The following PPP1R9B variants were observed in gnomAD, a reference collection of about 807,000 sequenced individuals.
PPP1R9B encodes the protein protein phosphatase 1 regulatory subunit 9B, also known as neurabin-2.
PPP1R9B carries 17 observed loss-of-function variants against 75.8 expected under a neutral mutation model. That is an observed-to-expected ratio of 0.22 (90% confidence interval 0.15 to 0.34). PPP1R9B has a LOEUF of 0.34. PPP1R9B is among the 10% of genes least tolerant of loss of function. The probability of loss-of-function intolerance (pLI) is 1.00; values close to 1 mark genes in which losing one functional copy is unlikely to be tolerated. For synonymous variants in PPP1R9B, 509 were observed against 535.4 expected (o/e 0.95, Z 0.68); for missense variants, 875 against 1,196.0 (o/e 0.73, Z 3.96).
chr17:50,140,766 T>C (rs1912353990), intron 4 of PPP1R9B, among the ~76,000 whole-genome samples: 1 of 152,104 alleles, frequency 6.6e-6, no homozygotes. Flanking sequence ...GTACCCCTCT[T>C]GCAGGGGGGC....
At chr17:50,138,772 G>A (rs574140999) in intron 7 of PPP1R9B, among the ~76,000 whole-genome samples, 1 of 152,246 alleles carries the variant, frequency 6.6e-6, no homozygotes, top group East Asian at 1.9e-4. Context: ...TCACTGGTGT[G>A]CGCTACCACA....
In PPP1R9B at chr17:50,139,044, T is replaced by C; in HGVS notation, c.2073+219A>G. On this transcript the variant is annotated intron_variant, in intron 7 of 9. Transcript: ENST00000612501. The surrounding 1 kb of genome is among the most constrained non-coding windows in gnomAD (Gnocchi z 5.0). ...TGCTATTACGACCTCATTTTATAGA[T>C]GAGGAGGCTGAGGCACAGAGAAGCA... 6.6e-6 allele frequency among the ~76,000 whole-genome samples: 1 copy of C among 152,236 alleles called. No individual in the cohort carries two copies. Among genetic ancestry groups the C allele is most frequent in the Non-Finnish European group, 1.5e-5 (1 of 68,040 alleles).
Position 50,139,395 on chromosome 17 carries a change from T to G in PPP1R9B, c.2019+34A>C, listed in dbSNP as rs751868252. ...CAAGGGCAGGAGACCTGCCTGCCTT[T>G]CCCTCCACCACTCCAGGGAGCCCCT... On this transcript the variant is annotated intron_variant, in intron 6 of 9. Coordinates refer to ENST00000612501, the MANE Select transcript of PPP1R9B (RefSeq NM_032595.5). This position sits in a 1 kb window ranked among gnomAD's most constrained non-coding sequence, Gnocchi z 5.0. 1 of 1,612,922 alleles carries G rather than the reference T, an allele frequency of 6.2e-7. No individual in the cohort carries two copies. The highest frequency in any genetic ancestry group is 1.7e-5 in the Admixed American group (1 of 60,012).
chr17:50,140,074 C>G lies in PPP1R9B; in HGVS notation c.1866+19G>C, dbSNP rs753891123. The stretch of plus-strand genomic sequence containing the variant: ...CACCAGGGGGCGACCACGCGGCCAG[C>G]CAGGCAGGGACTCCCTACCTCCTCG... On this transcript the variant is annotated intron_variant, in intron 5 of 9. Transcript: ENST00000612501. 7 of 1,610,918 alleles carry G rather than the reference C, an allele frequency of 4.3e-6. No individual in the cohort carries two copies. The highest frequency in any genetic ancestry group is 5.9e-6 in the Non-Finnish European group (7 of 1,178,620).
In PPP1R9B at chr17:50,150,603, C is replaced by G. The variant is rs1342672236; in HGVS notation, c.-90G>C. On this transcript the variant is annotated 5_prime_UTR_variant, in exon 1 of 10. Transcript: ENST00000612501. This position sits in a 1 kb window ranked among gnomAD's most constrained non-coding sequence, Gnocchi z 8.7. Reference sequence around the variant, plus strand: ...AAGTCGGGACCACCGCCCCCTCCCCCCGATAAAAGAAACCCCGAAGGCCTT... The same window carrying G: ...AAGTCGGGACCACCGCCCCCTCCCCGCGATAAAAGAAACCCCGAAGGCCTT... 47 of 1,232,472 alleles carry G rather than the reference C, an allele frequency of 3.8e-5. No individual in the cohort carries two copies. The highest frequency in any genetic ancestry group is 4.3e-5 in the Non-Finnish European group (42 of 984,354). 76.3% of individuals were successfully genotyped at this position (1,232,472 alleles called of 1,614,324 possible). A position where few individuals can be genotyped will look rare whatever the true frequency, so the allele number is the denominator to read the frequency against.
chr17:50,146,703 C>G (rs1011104910), intron 1 of PPP1R9B, among the ~76,000 whole-genome samples: 9 of 152,228 alleles, frequency 5.9e-5, no homozygotes, highest in Admixed American at 4.6e-4. Context: ...TAAAGCTCAT[C>G]TGTCCATTGC....
intron 3 of PPP1R9B, 88 bp downstream of exon 3, chr17:50,143,510 C>CCCCACCCCCTGCTCAGTGG: frequency 6.6e-7 from 1 of 1,512,990 alleles, no homozygotes; most frequent in Non-Finnish European, 9.0e-7. Flanking sequence ...GGAAGGCCCG[C>CCCCACCCCCTGCTCAGTGG]CCCACCCCCT....
chr17:50,145,087 AG>A, intron 2 of PPP1R9B, 25 bp downstream of exon 2: 1 of 1,612,466 alleles, frequency 6.2e-7, no homozygotes, highest in East Asian at 2.2e-5. Flanking sequence ...GCTGTGCGCA[AG>A]TGACGTGGCC....
In PPP1R9B at chr17:50,139,609, C is replaced by A. The variant is rs765861581; in HGVS notation, c.1867-28G>T. 37 of 1,521,398 alleles carry A rather than the reference C, an allele frequency of 2.4e-5. No individual in the cohort carries two copies. Among genetic ancestry groups the A allele is most frequent in the Admixed American group, 8.7e-5 (4 of 45,752 alleles). The allele number at this position is 1,521,398 out of a possible 1,614,324, so 94.2% of individuals were successfully genotyped here. On this transcript the variant is annotated intron_variant, in intron 5 of 9. Transcript: ENST00000612501. This position sits in a 1 kb window ranked among gnomAD's most constrained non-coding sequence, Gnocchi z 5.0. Reference sequence around the variant, plus strand: ...GCGAAGGGAGACCGGAGACTGTGGGCCCACCCCACCCAGCTGCCCTCAGCC... The same window carrying A: ...GCGAAGGGAGACCGGAGACTGTGGGACCACCCCACCCAGCTGCCCTCAGCC...
Position 50,150,237 on chromosome 17 carries a change from G to C in PPP1R9B, c.277C>G (p.Leu93Val). The change falls in exon 1 of 10, where the codon CTG (leucine) becomes GTG (valine). Residue 93 changes from leucine (L) to valine (V), a missense_variant. Physicochemically the swap from Leu to Val is conservative, Grantham distance 32. This residue lies in a region of PPP1R9B where 145 missense variants were observed against 226.1 expected (regional missense o/e 0.64). Transcript: ENST00000612501. The surrounding 1 kb of genome is among the most constrained non-coding windows in gnomAD (Gnocchi z 8.7). ...APRASERGVR[L>V]SLPRASSLNE... ...AGGCTGCTGGCCCGCGGCAGCGACAGGCGCACGCCGCGCTCGGACGCCCGT... is the reference window on the plus strand; with the variant it reads ...AGGCTGCTGGCCCGCGGCAGCGACACGCGCACGCCGCGCTCGGACGCCCGT... 2 of 1,439,790 alleles carry C rather than the reference G, an allele frequency of 1.4e-6. No homozygotes were observed. Among genetic ancestry groups the C allele is most frequent in the Non-Finnish European group, 1.8e-6 (2 of 1,089,904 alleles). 89.2% of individuals were successfully genotyped at this position (1,439,790 alleles called of 1,614,324 possible). A position where few individuals can be genotyped will look rare whatever the true frequency, so the allele number is the denominator to read the frequency against.
Position 50,149,138 on chromosome 17 carries a change from C to G in PPP1R9B, c.1371+5G>C. 1 of 1,448,706 alleles carries G rather than the reference C, an allele frequency of 6.9e-7. No individual in the cohort carries two copies. Among genetic ancestry groups the G allele is most frequent in the East Asian group, 2.7e-5 (1 of 37,618 alleles). The allele number at this position is 1,448,706 out of a possible 1,614,324, so 89.7% of individuals were successfully genotyped here. On this transcript the variant is annotated splice_donor_5th_base_variant and intron_variant, in intron 1 of 9. Coordinates refer to ENST00000612501, the MANE Select transcript of PPP1R9B (RefSeq NM_032595.5). This position sits in a 1 kb window ranked among gnomAD's most constrained non-coding sequence, Gnocchi z 7.2. Reference sequence around the variant, plus strand: ...CGCGGGGGCAGGGCGGGGGGGCTCACTTACTTGGATGGGCGCCGTGCTGAA... The same window carrying G: ...CGCGGGGGCAGGGCGGGGGGGCTCAGTTACTTGGATGGGCGCCGTGCTGAA...
Position 50,150,016 on chromosome 17 carries a change from C to A in PPP1R9B, c.498G>T (p.Ala166=), listed in dbSNP as rs760916394. ...GCTCCTGCCTCAGCAGCCGCCGCGC[C>A]GCGGCCTCCTTGTCGCCGCCTGCGG... ...PAAAGGDKEA[A]ARRLLRQERA... is the part of the protein sequence containing the mutation. Residue 166 remains alanine (A), a synonymous_variant, in exon 1 of 10, where the codon GCG becomes GCT. Coordinates refer to ENST00000612501, the MANE Select transcript of PPP1R9B (RefSeq NM_032595.5). The surrounding 1 kb of genome is among the most constrained non-coding windows in gnomAD (Gnocchi z 8.7). The A allele has an allele frequency of 6.7e-7, 1 of 1,484,764 alleles. No individual in the cohort carries two copies. Among genetic ancestry groups the A allele is most frequent in the Non-Finnish European group, 8.9e-7 (1 of 1,127,326 alleles). The allele number at this position is 1,484,764 out of a possible 1,614,324, so 92.0% of individuals were successfully genotyped here.
chr17:50,147,919 G>A (rs950914793), intron 1 of PPP1R9B, among the ~76,000 whole-genome samples: 4 of 152,196 alleles, frequency 2.6e-5, no homozygotes, highest in African/African-American at 9.7e-5. Flanking sequence ...TCCAGGAGTA[G>A]TTATGGAAAC....
At chr17:50,145,330 T>C in intron 1 of PPP1R9B, 85 bp from the exon 2 acceptor site, 2 of 1,558,182 alleles carry the variant, frequency 1.3e-6, no homozygotes, top group Non-Finnish European at 1.7e-6. Context: ...GCAGGCTGAG[T>C]TACCCACCCC....
intron 7 of PPP1R9B, among the ~76,000 whole-genome samples, 169 bp from the exon 8 acceptor site, chr17:50,136,366 A>G (rs1912231206): frequency 6.6e-6 from 1 of 152,054 alleles, no homozygotes; most frequent in Non-Finnish European, 1.5e-5. Context: ...AAACCCAGAG[A>G]GGAAAGAAGT....
At chr17:50,144,484 C>T (rs149097817) in intron 2 of PPP1R9B, among the ~76,000 whole-genome samples, 124 of 152,284 alleles carry the variant, frequency 8.1e-4, no homozygotes, top group East Asian at 6.9e-3. Flanking sequence ...TCCTGTGCTT[C>T]GAAATGGCTC....
Position 50,138,153 on chromosome 17 carries a change from C to CGTGT in PPP1R9B, c.2073+1106_2073+1109dup, listed in dbSNP as rs58489923. On this transcript the variant is annotated intron_variant, in intron 7 of 9. Coordinates refer to ENST00000612501, the MANE Select transcript of PPP1R9B (RefSeq NM_032595.5). The stretch of plus-strand genomic sequence containing the variant: ...CTTGTGTAAGCATCTGTGTATACTA[C>CGTGT]GTGTGTGTGTGTGTGTGTGTGTGTG... Among the ~76,000 whole-genome samples, 522 of 146,412 alleles carry CGTGT rather than the reference C, an allele frequency of 3.6e-3. 2 individuals carry two copies. The highest frequency in any genetic ancestry group is 9.5e-3 in the East Asian group (46 of 4,818).
chr17:50,143,810 G>A (rs1199261655), intron 2 of PPP1R9B, 92 bp from the exon 3 acceptor site: 2 of 1,549,676 alleles, frequency 1.3e-6, no homozygotes, highest in Non-Finnish European at 1.8e-6. Flanking sequence ...CCCCCCATCA[G>A]GAAGCAGTCC....
chr17:50,150,225 G>T lies in PPP1R9B; in HGVS notation c.289C>A (p.Arg97=). 6.9e-7 allele frequency: 1 copy of T among 1,444,388 alleles called. No homozygotes were observed. The allele number at this position is 1,444,388 out of a possible 1,614,324, so 89.5% of individuals were successfully genotyped here. A position where few individuals can be genotyped will look rare whatever the true frequency, so the allele number is the denominator to read the frequency against. ...ACGTTCTCGTTCAGGCTGCTGGCCCGCGGCAGCGACAGGCGCACGCCGCGC... is the reference window on the plus strand; with the variant it reads ...ACGTTCTCGTTCAGGCTGCTGGCCCTCGGCAGCGACAGGCGCACGCCGCGC... ...SERGVRLSLP[R]ASSLNENVDH... The change falls in exon 1 of 10, where the codon CGG becomes AGG. Residue 97 remains arginine (R), a synonymous_variant. Transcript: ENST00000612501. This position sits in a 1 kb window ranked among gnomAD's most constrained non-coding sequence, Gnocchi z 8.7.
Sources: allele counts gnomAD v4.1 joint callset (sites outside exome capture counted in the v4.1 genomes callset), GRCh38; gene constraint gnomAD v4.1.1; regional missense constraint gnomAD v4.1.1; non-coding constraint Gnocchi (gnomAD v3.1); transcripts MANE v1.5; gene names NCBI Gene and HGNC (gene_info 2026-07-23, HGNC 2026-07-21).